MRPL54: variants seen among roughly 807,000 people sequenced by gnomAD.
MRPL54 encodes the protein large ribosomal subunit protein mL54.
MRPL54 carries 12 observed loss-of-function variants against 15.6 expected under a neutral mutation model. The ratio of observed to expected loss-of-function variants is 0.77; its 90% CI spans 0.49 to 1.24. The LOEUF (loss-of-function observed/expected upper bound fraction) is 1.24, where lower values mean the gene tolerates loss of function less well. MRPL54 is among the 50% of genes most tolerant of loss of function. MRPL54 has a pLI of 0.00. For synonymous variants in MRPL54, 91 were observed against 75.7 expected (o/e 1.20, Z -1.05); for missense variants, 178 against 186.8 (o/e 0.95, Z 0.28).
intron 1 of MRPL54, 21 bp from the exon 2 acceptor site, chr19:3,765,145 C>T: frequency 6.3e-7 from 1 of 1,593,456 alleles, no homozygotes; most frequent in Non-Finnish European, 8.6e-7. Context: ...GCTGAAATGA[C>T]TCTCCCTCTC....
At chr19:3,763,600 A>C (rs1211946804) in intron 1 of MRPL54, among the ~76,000 whole-genome samples, 2 of 139,270 alleles carry the variant, frequency 1.4e-5, no homozygotes, top group Admixed American at 7.6e-5. Flanking sequence ...GCAACATAGC[A>C]GGACCCTGTT....
At chr19:3,762,906 A>G (rs2037164358) in intron 1 of MRPL54, 88 bp downstream of exon 1, 4 of 1,108,278 alleles carry the variant, frequency 3.6e-6, no homozygotes, top group Non-Finnish European at 5.1e-6. Context: ...AGGTGGTGCT[A>G]GAACTGATGC....
At chr19:3,766,268 G>C (rs2037197490) in intron 2 of MRPL54, among the ~76,000 whole-genome samples, 1 of 152,130 alleles carries the variant, frequency 6.6e-6, no homozygotes, top group Admixed American at 6.6e-5. Flanking sequence ...AGTAGAGACA[G>C]GGTTTCACCA....
At chr19:3,764,499 C>T (rs964543069) in intron 1 of MRPL54, among the ~76,000 whole-genome samples, 2 of 151,914 alleles carry the variant, frequency 1.3e-5, no homozygotes, top group African/African-American at 4.8e-5. Context: ...CCTCCGCCTC[C>T]CGGGTTCAAG....
At chr19:3,767,152 C>A in intron 2 of MRPL54, 109 bp from the exon 3 acceptor site, 2 of 1,400,218 alleles carry the variant, frequency 1.4e-6, no homozygotes, top group East Asian at 2.6e-5. Flanking sequence ...TGCAGCCAAC[C>A]AGTGGGCCTG....
intron 2 of MRPL54, among the ~76,000 whole-genome samples, chr19:3,766,791 C>T (rs1352705599): frequency 6.6e-6 from 1 of 152,218 alleles, no homozygotes; most frequent in Non-Finnish European, 1.5e-5. Context: ...GCAGTGGGCA[C>T]AGCCTGTGCA....
chr19:3,766,260 T>G (rs2037197385), intron 2 of MRPL54, among the ~76,000 whole-genome samples: 1 of 152,122 alleles, frequency 6.6e-6, no homozygotes, highest in Non-Finnish European at 1.5e-5. Context: ...GTATTTTTAG[T>G]AGAGACAGGG....
chr19:3,763,149 G>C (rs562132399), intron 1 of MRPL54, among the ~76,000 whole-genome samples: 1 of 152,254 alleles, frequency 6.6e-6, no homozygotes, highest in African/African-American at 2.4e-5. Context: ...GGGAGGTCAT[G>C]AACTTGGGTT....
At chr19:3,767,162 G>C in intron 2 of MRPL54, 99 bp from the exon 3 acceptor site, 1 of 1,452,310 alleles carries the variant, frequency 6.9e-7, no homozygotes. Flanking sequence ...CAGTGGGCCT[G>C]GCACCCAGCC....
At chr19:3,765,729 C>G (rs2037192171) in intron 2 of MRPL54, among the ~76,000 whole-genome samples, 1 of 151,842 alleles carries the variant, frequency 6.6e-6, no homozygotes, top group African/African-American at 2.4e-5. Flanking sequence ...GAAACCTCGT[C>G]TCTACTAAAA....
intron 1 of MRPL54, among the ~76,000 whole-genome samples, chr19:3,763,728 A>G (rs2037173480): frequency 6.6e-6 from 1 of 152,098 alleles, no homozygotes; most frequent in South Asian, 2.1e-4. Flanking sequence ...CCTGACCAAC[A>G]TGGTGAAACC....
At chr19:3,766,671 C>G (rs1232025858) in intron 2 of MRPL54, among the ~76,000 whole-genome samples, 1 of 152,178 alleles carries the variant, frequency 6.6e-6, no homozygotes, top group East Asian at 1.9e-4. Flanking sequence ...GTGACACTTC[C>G]AGGAAGGGGG....
At chr19:3,767,126 G>A in intron 2 of MRPL54, 135 bp from the exon 3 acceptor site, 1 of 1,183,594 alleles carries the variant, frequency 8.4e-7, no homozygotes, top group South Asian at 1.6e-5. Context: ...GTCGGGGAGG[G>A]ACCACCCTGA....
chr19:3,763,664 A>G (rs2037173093), intron 1 of MRPL54, among the ~76,000 whole-genome samples: 1 of 151,644 alleles, frequency 6.6e-6, no homozygotes, highest in Non-Finnish European at 1.5e-5. Context: ...CTGTAATCCC[A>G]GCACTTTGGG....
Position 3,767,338 on chromosome 19 carries a change from T to C in MRPL54, c.362T>C (p.Leu121Pro), listed in dbSNP as rs1351708897. 3 of 1,609,742 alleles carry C rather than the reference T, an allele frequency of 1.9e-6. No homozygotes were observed. Among genetic ancestry groups the C allele is most frequent in the Middle Eastern group, 3.3e-4 (2 of 6,042 alleles). The change falls in exon 3 of 3, where the codon CTG (leucine) becomes CCG (proline). Residue 121 changes from leucine to proline, a missense_variant. Physicochemically the swap from Leu to Pro is moderately conservative, Grantham distance 98. Transcript: ENST00000330133. ...GAGAGCCGGGAGTACTGGCGGCGGCTGCGGAAACAGAACATCTGGCGCCAC... is the reference window on the plus strand; with the variant it reads ...GAGAGCCGGGAGTACTGGCGGCGGCCGCGGAAACAGAACATCTGGCGCCAC... ...DPESREYWRR[L>P]RKQNIWRHNR...
Position 3,767,220 on chromosome 19 carries a change from G to A in MRPL54, c.285-41G>A, listed in dbSNP as rs1367448432. The A allele has an allele frequency of 3.1e-6, 5 of 1,589,172 alleles. No individual in the cohort carries two copies. In the South Asian group the frequency reaches 5.6e-5, roughly 18 times the overall value. On this transcript the variant is annotated intron_variant, in intron 2 of 2. Coordinates refer to ENST00000330133, the MANE Select transcript of MRPL54 (RefSeq NM_172251.3). ...TGCCCGGGACACCAGGGAGCCCAGG[G>A]GTCACCGTGTAGCTCTGATTCCTGC...
In MRPL54 at chr19:3,765,270, G is replaced by A. The variant is rs765071621; in HGVS notation, c.223G>A (p.Val75Ile). 9.3e-6 allele frequency: 15 copies of A among 1,613,874 alleles called. No individual in the cohort carries two copies. Among genetic ancestry groups the A allele is most frequent in the African/African-American group, 2.7e-5 (2 of 74,902 alleles). Residue 75 changes from valine to isoleucine, a missense_variant, in exon 2 of 3, where the codon GTC becomes ATC. Transcript: ENST00000330133. ...PVQLTTYAMG[V>I]NIYKEGQDVP... ...CCAGCTCACCACATATGCCATGGGC[G>A]TCAACATCTACAAGGAAGGGCAGGA...
chr19:3,765,848 A>T (rs2037193410), intron 2 of MRPL54, among the ~76,000 whole-genome samples: 1 of 150,602 alleles, frequency 6.6e-6, no homozygotes, highest in Non-Finnish European at 1.5e-5. Context: ...CAGTGAGCTG[A>T]GATCACGCCA....
intron 1 of MRPL54, among the ~76,000 whole-genome samples, chr19:3,763,163 G>C (rs1339495439): frequency 6.6e-6 from 1 of 152,258 alleles, no homozygotes; most frequent in African/African-American, 2.4e-5. Context: ...TTGGGTTCCA[G>C]TTCTGTTTCT....
Sources: gnomAD v4.1 joint callset for allele counts (sites outside exome capture counted in the v4.1 genomes callset) on GRCh38, gnomAD v4.1.1 for gene constraint, MANE v1.5 for transcripts, NCBI Gene and HGNC (gene_info 2026-07-23, HGNC 2026-07-21) for gene names.